STON2: variants seen among roughly 807,000 people sequenced by gnomAD.
The protein encoded by STON2 is stonin-2.
A neutral mutation model predicts 65.7 loss-of-function variants in STON2; 29 were observed. The ratio of observed to expected loss-of-function variants is 0.44; its 90% CI spans 0.33 to 0.60. STON2 has a LOEUF of 0.60. Ranked by LOEUF, STON2 falls within the 20% of genes least tolerant of loss-of-function variation. STON2 has a pLI of 0.03. For synonymous variants in STON2, 404 were observed against 414.2 expected (o/e 0.98, Z 0.30); for missense variants, 1,054 against 1,118.1 (o/e 0.94, Z 0.82).
In STON2 at chr14:81,325,216, T is replaced by C. The variant is rs950670553; in HGVS notation, c.572-1029A>G. Among the ~76,000 whole-genome samples, 4 of 152,172 alleles carry C rather than the reference T, an allele frequency of 2.6e-5. No individual in the cohort carries two copies. The East Asian group carries it at 7.7e-4, about 29-fold the overall frequency. On this transcript the variant is annotated intron_variant, in intron 4 of 7. Transcript: ENST00000614646. ...TTTTATAACTTTTCCAAAACTGATA[T>C]GCCATGAAATGTAATTCTGTGGGTT...
At chr14:81,404,774 T>G (rs1287967141), upstream of STON2, among the ~76,000 whole-genome samples, 2 of 152,232 alleles carry the variant, frequency 1.3e-5, no homozygotes, top group Non-Finnish European at 2.9e-5. Flanking sequence ...CCCAAAGTGC[T>G]GGGATTACAG....
intron 4 of STON2, among the ~76,000 whole-genome samples, chr14:81,370,062 C>G (rs1001086392): frequency 6.6e-6 from 1 of 152,188 alleles, no homozygotes; most frequent in African/African-American, 2.4e-5. Context: ...AAATACCAAA[C>G]CAAATCCTGC....
At chr14:81,415,826 AT>A (rs2139876486) in intron 2 of STON2, among the ~76,000 whole-genome samples, 1 of 152,230 alleles carries the variant, frequency 6.6e-6, no homozygotes, top group African/African-American at 2.4e-5. Flanking sequence ...AAATCATAAT[AT>A]TTTTCTAATC....
At chr14:81,396,989 C>T (rs964075522) in intron 2 of STON2, among the ~76,000 whole-genome samples, 3 of 152,074 alleles carry the variant, frequency 2.0e-5, no homozygotes, top group Non-Finnish European at 4.4e-5. Flanking sequence ...ATCCAGGAGG[C>T]GGAGGTTGCA....
chr14:81,415,596 G>C (rs1371165457), intron 2 of STON2, among the ~76,000 whole-genome samples: 1 of 148,826 alleles, frequency 6.7e-6, no homozygotes, highest in Non-Finnish European at 1.5e-5. Context: ...CTTGAACCCA[G>C]GAGGCAGAGG....
intron 2 of STON2, among the ~76,000 whole-genome samples, chr14:81,405,460 G>GTTTTTTTTTTTTTTTTTTTTT (rs376505307): frequency 7.9e-5 from 5 of 63,324 alleles, no homozygotes; most frequent in African/African-American, 2.6e-4. Flanking sequence ...AGTTACTATT[G>GTTTTTTTTTTTTTTTTTTTTT]TTTTTTTTTT....
At position 81,278,539 on chromosome 14, in the gene STON2, T is replaced by C. The variant is rs1349190344; in HGVS notation, c.943A>G (p.Ser315Gly). 4 of 1,613,374 alleles carry C rather than the reference T, an allele frequency of 2.5e-6. No homozygotes were observed. Among genetic ancestry groups the C allele is most frequent in the Non-Finnish European group, 3.4e-6 (4 of 1,179,566 alleles). Residue 315 changes from serine to glycine, a missense_variant, in exon 6 of 8, where the codon AGT (serine) becomes GGT (glycine). Physicochemically the swap from Ser to Gly is moderately conservative, Grantham distance 56 (BLOSUM62 0). Transcript: ENST00000614646. The part of the protein sequence containing the change: ...TSPLKPNTPP[S>G]ASVIPDVPYN... Reference sequence around the variant, plus strand: ...GGTACATCTGGGATCACAGATGCACTTGGTGGTGTATTTGGCTTCAGAGGA... The same window carrying C: ...GGTACATCTGGGATCACAGATGCACCTGGTGGTGTATTTGGCTTCAGAGGA...
intron 4 of STON2, among the ~76,000 whole-genome samples, chr14:81,364,601 T>C (rs1248345226): frequency 6.6e-6 from 1 of 152,168 alleles, no homozygotes; most frequent in Admixed American, 6.5e-5. Flanking sequence ...TTTGTATATG[T>C]ATGTGTGTGT....
intron 3 of STON2, among the ~76,000 whole-genome samples, chr14:81,383,345 T>A (rs1026082887): frequency 6.6e-6 from 1 of 152,226 alleles, no homozygotes; most frequent in Non-Finnish European, 1.5e-5. Flanking sequence ...GATGAGGCAC[T>A]AGCAAAAGTG....
chr14:81,299,673 A>G (rs1432117338), intron 5 of STON2, among the ~76,000 whole-genome samples: 2 of 152,204 alleles, frequency 1.3e-5, no homozygotes, highest in Non-Finnish European at 2.9e-5. Context: ...ACTCAATTAT[A>G]TATTAAAATA....
In STON2 at chr14:81,266,651, C is replaced by T; in HGVS notation, c.*1763G>A. The T allele has an allele frequency of 1.0e-6, 1 of 984,222 alleles. No homozygotes were observed. The highest frequency in any genetic ancestry group is 1.2e-6 in the Non-Finnish European group (1 of 828,860). The allele number at this position is 984,222 out of a possible 1,614,324, so 61.0% of individuals were successfully genotyped here. The stretch of plus-strand genomic sequence containing the variant: ...GGACTAGATGGAGGGTTAATAAAAG[C>T]ATGTAAGGCTTTTATTAACACCAGC... On this transcript the variant is annotated 3_prime_UTR_variant, in exon 8 of 8. Coordinates refer to ENST00000614646, the MANE Select transcript of STON2 (RefSeq NM_001394390.1).
chr14:81,416,025 A>C (rs1901414648), intron 2 of STON2, among the ~76,000 whole-genome samples: 1 of 152,146 alleles, frequency 6.6e-6, no homozygotes, highest in African/African-American at 2.4e-5. Flanking sequence ...GGCTGTATCT[A>C]ACCTGAGTCT....
intron 5 of STON2, among the ~76,000 whole-genome samples, chr14:81,289,092 T>G (rs756846284): frequency 2.6e-5 from 4 of 152,118 alleles, no homozygotes; most frequent in Non-Finnish European, 5.9e-5. Context: ...GCAGGATGCT[T>G]GCAAGATCCA....
In STON2 at chr14:81,266,811, C is replaced by T; in HGVS notation, c.*1603G>A. On this transcript the variant is annotated 3_prime_UTR_variant, in exon 8 of 8. Coordinates refer to ENST00000614646, the MANE Select transcript of STON2 (RefSeq NM_001394390.1). ...TAACACCGTTCCCATCAACACCACACACATAAACACACACAAACACACACA... is the reference window on the plus strand; with the variant it reads ...TAACACCGTTCCCATCAACACCACATACATAAACACACACAAACACACACA... 1 of 878,096 alleles carries T rather than the reference C, an allele frequency of 1.1e-6. No individual in the cohort carries two copies. Among genetic ancestry groups the T allele is most frequent in the African/African-American group, 5.0e-5 (1 of 20,066 alleles). 54.4% of individuals were successfully genotyped at this position (878,096 alleles called of 1,614,324 possible).
intron 6 of STON2, among the ~76,000 whole-genome samples, chr14:81,272,171 A>G (rs936082972): frequency 9.8e-5 from 15 of 152,318 alleles, no homozygotes; most frequent in African/African-American, 2.6e-4. Flanking sequence ...GCAGTGAGCC[A>G]AGATTGCGCC....
At chr14:81,421,247 T>A (rs962461577) in intron 2 of STON2, among the ~76,000 whole-genome samples, 1 of 152,160 alleles carries the variant, frequency 6.6e-6, no homozygotes, top group East Asian at 1.9e-4. Context: ...AATAAAAAGA[T>A]ATGTTTTCTG....
chr14:81,416,996 T>C (rs1901468877), intron 2 of STON2, among the ~76,000 whole-genome samples: 1 of 152,182 alleles, frequency 6.6e-6, no homozygotes, highest in African/African-American at 2.4e-5. Flanking sequence ...TAGAAAAACA[T>C]AGGGTTTTAT....
In STON2 at chr14:81,360,388, T is replaced by C. The variant is rs1898438097; in HGVS notation, c.571+10600A>G. ...AGATGTTTCAATATATGCAAATCAA[T>C]ATATGTGATAATCACATTAACAAAA... On this transcript the variant is annotated intron_variant, in intron 4 of 7. Coordinates refer to ENST00000614646, the MANE Select transcript of STON2 (RefSeq NM_001394390.1). 2.0e-5 allele frequency among the ~76,000 whole-genome samples: 3 copies of C among 152,174 alleles called. No individual in the cohort carries two copies. In the South Asian group the frequency reaches 6.2e-4, roughly 31 times the overall value.
intron 5 of STON2, among the ~76,000 whole-genome samples, chr14:81,300,132 G>A (rs1010673441): frequency 3.9e-5 from 6 of 152,094 alleles, no homozygotes; most frequent in Non-Finnish European, 7.4e-5. Flanking sequence ...GAAGAGTGTA[G>A]AAGTGGACCC....
Sources: allele counts gnomAD v4.1 joint callset (sites outside exome capture counted in the v4.1 genomes callset), GRCh38; gene constraint gnomAD v4.1.1; transcripts MANE v1.5; gene names NCBI Gene and HGNC (gene_info 2026-07-23, HGNC 2026-07-21).